The following CAB39L variants were observed in gnomAD, a reference collection of about 807,000 sequenced individuals.
CAB39L encodes the protein calcium-binding protein 39-like.
CAB39L carries 23 observed loss-of-function variants against 39.1 expected under a neutral mutation model. The ratio of observed to expected loss-of-function variants is 0.59; its 90% CI spans 0.42 to 0.83. CAB39L has a LOEUF of 0.83. Ranked by LOEUF, CAB39L falls within the 40% of genes least tolerant of loss-of-function variation. CAB39L has a pLI of 0.00. For synonymous variants in CAB39L, 126 were observed against 137.2 expected (o/e 0.92, Z 0.57); for missense variants, 366 against 391.9 (o/e 0.93, Z 0.56).
At chr13:49,396,565 G>A (rs776952826) in intron 3 of CAB39L, among the ~76,000 whole-genome samples, 44 of 151,960 alleles carry the variant, frequency 2.9e-4, no homozygotes, top group African/African-American at 8.7e-4. Flanking sequence ...AAAATTAGCC[G>A]GGTGTGGTGG....
Position 49,353,341 on chromosome 13 carries a change from G to C in CAB39L, c.396-2429C>G, listed in dbSNP as rs538326200. ...AAAAGCACTGTCATTTATTGATAGA[G>C]TACTCAAGAGAGTATAAAATAAAGG... is the stretch of plus-strand genomic sequence containing the variant. On this transcript the variant is annotated intron_variant, in intron 6 of 10. Coordinates refer to ENST00000409308, the MANE Select transcript of CAB39L (RefSeq NM_001079670.3). Among the ~76,000 whole-genome samples the C allele has an allele frequency of 2.0e-5, 3 of 152,292 alleles. No homozygotes were observed. The South Asian group carries it at 6.2e-4, about 32-fold the overall frequency.
intron 3 of CAB39L, among the ~76,000 whole-genome samples, chr13:49,430,382 G>C (rs1413005209): frequency 3.3e-5 from 5 of 152,148 alleles, no homozygotes; most frequent in Non-Finnish European, 5.9e-5. Flanking sequence ...AGACAAAACA[G>C]CTCCCAGACC....
At chr13:49,438,095 G>A (rs1023741680) in intron 1 of CAB39L, among the ~76,000 whole-genome samples, 4 of 151,892 alleles carry the variant, frequency 2.6e-5, no homozygotes, top group Non-Finnish European at 4.4e-5. Flanking sequence ...CCTCAGCCCC[G>A]CAAAGTGCTG....
At chr13:49,413,456 G>C (rs1037953217) in intron 3 of CAB39L, among the ~76,000 whole-genome samples, 1 of 152,008 alleles carries the variant, frequency 6.6e-6, no homozygotes, top group African/African-American at 2.4e-5. Flanking sequence ...GATAGAAAAA[G>C]GAACAATATC....
chr13:49,311,353 C>T (rs1039868866), intron 10 of CAB39L, among the ~76,000 whole-genome samples: 2 of 152,130 alleles, frequency 1.3e-5, no homozygotes, highest in Admixed American at 6.6e-5. Flanking sequence ...AATTCAAGCC[C>T]GTACAATTAT....
At chr13:49,395,099 C>A (rs77617914) in intron 3 of CAB39L, among the ~76,000 whole-genome samples, 7 of 151,832 alleles carry the variant, frequency 4.6e-5, no homozygotes, top group African/African-American at 1.7e-4. Context: ...CTGTTTTTTC[C>A]GAAGCTTGTA....
At chr13:49,404,302 CACA>C (rs1220060663) in intron 3 of CAB39L, among the ~76,000 whole-genome samples, 1 of 152,180 alleles carries the variant, frequency 6.6e-6, no homozygotes. Context: ...GTCTGCAAGT[CACA>C]ACATTACTGG....
chr13:49,312,294 G>A (rs544429341), intron 10 of CAB39L, among the ~76,000 whole-genome samples: 33 of 152,180 alleles, frequency 2.2e-4, no homozygotes, highest in Non-Finnish European at 3.5e-4. Context: ...GTACGGTAAT[G>A]TCCTAGGCCT....
At chr13:49,348,137 C>T (rs1180920928) in intron 7 of CAB39L, among the ~76,000 whole-genome samples, 1 of 152,076 alleles carries the variant, frequency 6.6e-6, no homozygotes, top group African/African-American at 2.4e-5. Context: ...CAAACCCGGA[C>T]GCTAGAGGCC....
chr13:49,442,375 T>C (rs1007806805), intron 1 of CAB39L, among the ~76,000 whole-genome samples: 8 of 152,232 alleles, frequency 5.3e-5, no homozygotes, highest in African/African-American at 1.9e-4. Context: ...CTCTATTTCC[T>C]TACAAGTTTC....
chr13:49,394,332 A>G (rs531835286), intron 3 of CAB39L, among the ~76,000 whole-genome samples: 7 of 152,010 alleles, frequency 4.6e-5, no homozygotes, highest in Non-Finnish European at 8.8e-5. Context: ...TGCAAACTCA[A>G]AGTGAAAGAC....
chr13:49,426,068 C>T (rs931821291), intron 3 of CAB39L, among the ~76,000 whole-genome samples: 1 of 152,158 alleles, frequency 6.6e-6, no homozygotes, highest in Non-Finnish European at 1.5e-5. Flanking sequence ...AGGAATCTCA[C>T]TGGGGTTCTT....
At chr13:49,339,207 T>C (rs997981858) in intron 9 of CAB39L, among the ~76,000 whole-genome samples, 2 of 147,006 alleles carry the variant, frequency 1.4e-5, no homozygotes, top group African/African-American at 5.0e-5. Flanking sequence ...CTTGGCTCAC[T>C]GCAACCTCCA....
chr13:49,438,714 T>G (rs1957456693), intron 1 of CAB39L, among the ~76,000 whole-genome samples: 1 of 152,228 alleles, frequency 6.6e-6, no homozygotes, highest in Non-Finnish European at 1.5e-5. Flanking sequence ...AAGAAGGGTT[T>G]ATTTTTAAAA....
intron 3 of CAB39L, among the ~76,000 whole-genome samples, chr13:49,392,377 G>T (rs1476042807): frequency 6.6e-6 from 1 of 151,794 alleles, no homozygotes; most frequent in African/African-American, 2.4e-5. Flanking sequence ...GGTGGTTCAC[G>T]CCTGTAATCC....
intron 3 of CAB39L, among the ~76,000 whole-genome samples, chr13:49,425,691 A>G (rs1957234831): frequency 6.6e-6 from 1 of 152,364 alleles, no homozygotes; most frequent in Non-Finnish European, 1.5e-5. Flanking sequence ...AGTGAGGTTG[A>G]GATAGTCATT....
chr13:49,417,528 A>T (rs765239251), intron 3 of CAB39L, among the ~76,000 whole-genome samples: 3 of 152,228 alleles, frequency 2.0e-5, no homozygotes, highest in Non-Finnish European at 4.4e-5. Context: ...ATGTAAATAA[A>T]CAATAGAATA....
chr13:49,378,608 G>A (rs1470896619), intron 4 of CAB39L, among the ~76,000 whole-genome samples: 1,425 of 55,938 alleles, frequency 0.025, 2 homozygotes, highest in African/African-American at 0.045. Flanking sequence ...CCCTCCGCCC[G>A]GCCAGCCGCC....
At chr13:49,368,337 G>A (rs762129775) in intron 5 of CAB39L, among the ~76,000 whole-genome samples, 1 of 152,180 alleles carries the variant, frequency 6.6e-6, no homozygotes, top group Admixed American at 6.5e-5. Flanking sequence ...CCAAAACAGA[G>A]GAAAGGATTA....
Sources: gnomAD v4.1 joint callset for allele counts (sites outside exome capture counted in the v4.1 genomes callset) on GRCh38, gnomAD v4.1.1 for gene constraint, MANE v1.5 for transcripts, NCBI Gene and HGNC (gene_info 2026-07-23, HGNC 2026-07-21) for gene names.